Variants in AHCYL2 observed in about 807,000 individuals in gnomAD.
The protein encoded by AHCYL2 is S-adenosylhomocysteine hydrolase-like protein 2.
AHCYL2 carries 28 observed loss-of-function variants against 81.4 expected under a neutral mutation model. The observed-to-expected ratio is 0.34, with a 90% CI of 0.25 to 0.47. The LOEUF (loss-of-function observed/expected upper bound fraction) is 0.47, where lower values mean the gene tolerates loss of function less well. Ranked by LOEUF, AHCYL2 falls within the 20% of genes least tolerant of loss-of-function variation. The probability of loss-of-function intolerance (pLI) is 1.00; values close to 1 mark genes in which losing one functional copy is unlikely to be tolerated. For missense variants in AHCYL2, 551 were observed against 785.1 expected (o/e 0.70, Z 3.56); for synonymous variants, 272 against 290.2 (o/e 0.94, Z 0.64).
At position 129,427,144 on chromosome 7, in the gene AHCYL2, A is replaced by C; in HGVS notation, c.*99A>C. On this transcript the variant is annotated 3_prime_UTR_variant, in exon 17 of 17. Transcript: ENST00000325006. The surrounding 1 kb of genome is among the most constrained non-coding windows in gnomAD (Gnocchi z 5.5). ...ATTCAGCAAGCTGCTTCTCCAATCA[A>C]AGCTGCCTGCCGTGCTCACCCTGTG... 1 of 1,272,830 alleles carries C rather than the reference A, an allele frequency of 7.9e-7. No homozygotes were observed. The highest frequency in any genetic ancestry group is 1.1e-6 in the Non-Finnish European group (1 of 882,270). 78.8% of individuals were successfully genotyped at this position (1,272,830 alleles called of 1,614,324 possible). A position where few individuals can be genotyped will look rare whatever the true frequency, so the allele number is the denominator to read the frequency against.
chr7:129,406,427 A>G lies in AHCYL2; in HGVS notation c.1256A>G (p.Tyr419Cys). 1.9e-6 allele frequency: 3 copies of G among 1,614,010 alleles called. No individual in the cohort carries two copies. The highest frequency in any genetic ancestry group is 2.5e-6 in the Non-Finnish European group (3 of 1,179,994). The change falls in exon 10 of 17, where the codon TAT becomes TGT. Residue 419 changes from tyrosine (Y) to cysteine (C), a missense_variant. Physicochemically the swap from Tyr to Cys is radical, Grantham distance 194. Around this residue, in one of 2 missense-constraint regions of AHCYL2, gnomAD observed 316 missense variants for 543.1 expected, o/e 0.58. Transcript: ENST00000325006. This position sits in a 1 kb window ranked among gnomAD's most constrained non-coding sequence, Gnocchi z 4.3. ...AALKAMGSIV[Y>C]VTEIDPICAL... ...CTGAAAGCCATGGGCTCCATTGTGT[A>G]TGTAACTGAAATTGACCCCATCTGT...
At chr7:129,280,156 T>C (rs1023244917) in intron 1 of AHCYL2, among the ~76,000 whole-genome samples, 1 of 151,872 alleles carries the variant, frequency 6.6e-6, no homozygotes, top group Non-Finnish European at 1.5e-5. Context: ...ATTGATCTTA[T>C]AGTCTTTAAG....
intron 1 of AHCYL2, among the ~76,000 whole-genome samples, chr7:129,321,743 GTTTTTTTTTTT>G: frequency 1.3e-5 from 1 of 77,626 alleles, no homozygotes; most frequent in Admixed American, 1.6e-4. Context: ...TTCTTTCTTT[GTTTTTTTTTTT>G]TTTTTTTTTT....
intron 1 of AHCYL2, among the ~76,000 whole-genome samples, chr7:129,225,680 CCTA>C (rs1794187922): frequency 6.6e-6 from 1 of 152,148 alleles, no homozygotes; most frequent in South Asian, 2.1e-4. Context: ...AGCGCTCTCC[CCTA>C]CTACTTGGAA....
intron 2 of AHCYL2, among the ~76,000 whole-genome samples, chr7:129,380,123 TG>T (rs1173962535): frequency 6.6e-6 from 1 of 152,122 alleles, no homozygotes; most frequent in African/African-American, 2.4e-5. Context: ...TCCCTCCATC[TG>T]GTACTTGCAA....
At chr7:129,376,864 T>C (rs1794712231) in intron 1 of AHCYL2, among the ~76,000 whole-genome samples, 1 of 152,214 alleles carries the variant, frequency 6.6e-6, no homozygotes, top group African/African-American at 2.4e-5. Context: ...CATGTGACTG[T>C]TTTGAACAAG....
At chr7:129,323,365 A>AT (rs1398969356) in intron 1 of AHCYL2, among the ~76,000 whole-genome samples, 14 of 151,966 alleles carry the variant, frequency 9.2e-5, no homozygotes, top group Non-Finnish European at 1.6e-4. Flanking sequence ...TATTTGAGGG[A>AT]TTTTCCAGAC....
chr7:129,384,460 A>G (rs1009085914), intron 2 of AHCYL2, among the ~76,000 whole-genome samples: 57 of 152,140 alleles, frequency 3.7e-4, no homozygotes, highest in African/African-American at 1.3e-3. Context: ...GAGGTACTCA[A>G]TAAATAAATA....
chr7:129,329,703 C>G (rs1798350193), intron 1 of AHCYL2, among the ~76,000 whole-genome samples: 1 of 152,172 alleles, frequency 6.6e-6, no homozygotes, highest in South Asian at 2.1e-4. Context: ...TCTTCAGTTT[C>G]TTCATTTGTA....
chr7:129,379,395 G>A (rs558990309), intron 1 of AHCYL2, among the ~76,000 whole-genome samples: 8 of 152,010 alleles, frequency 5.3e-5, no homozygotes, highest in African/African-American at 1.9e-4. Context: ...CTGTGTGAGA[G>A]GATTGCTTGA....
intron 1 of AHCYL2, among the ~76,000 whole-genome samples, chr7:129,309,773 T>C (rs1330266814): frequency 6.6e-6 from 1 of 152,176 alleles, no homozygotes; most frequent in East Asian, 1.9e-4. Flanking sequence ...TCCAATCTCA[T>C]TTGAGTTCTC....
At chr7:129,261,269 G>C (rs1164773067) in intron 1 of AHCYL2, among the ~76,000 whole-genome samples, 1 of 151,788 alleles carries the variant, frequency 6.6e-6, no homozygotes. Flanking sequence ...TTTATAGATA[G>C]GTTTAGATCA....
intron 1 of AHCYL2, among the ~76,000 whole-genome samples, chr7:129,243,018 CTTTTTTT>C (rs769701638): frequency 1.4e-4 from 18 of 125,592 alleles, no homozygotes; most frequent in Non-Finnish European, 2.5e-4. Flanking sequence ...TATTGTTTCT[CTTTTTTT>C]TTTTTTTTTT....
At chr7:129,288,936 AT>A (rs1009433965) in intron 1 of AHCYL2, among the ~76,000 whole-genome samples, 2 of 150,992 alleles carry the variant, frequency 1.3e-5, no homozygotes, top group African/African-American at 2.4e-5. Flanking sequence ...CGCCTGGCTA[AT>A]TTTTGTTTGT....
chr7:129,336,036 T>G (rs999109515), intron 1 of AHCYL2, among the ~76,000 whole-genome samples: 1 of 146,896 alleles, frequency 6.8e-6, no homozygotes, highest in Non-Finnish European at 1.5e-5. Flanking sequence ...TTTCTTTTCT[T>G]TTCTCTTCTC....
intron 2 of AHCYL2, 76 bp downstream of exon 2, chr7:129,379,825 A>G: frequency 8.8e-7 from 1 of 1,130,946 alleles, no homozygotes. Flanking sequence ...TGTCTATCCA[A>G]GGCTAATTAA....
intron 1 of AHCYL2, among the ~76,000 whole-genome samples, chr7:129,358,729 G>A (rs979598998): frequency 6.6e-6 from 1 of 152,162 alleles, no homozygotes; most frequent in African/African-American, 2.4e-5. Flanking sequence ...CTTAAAAATG[G>A]TTAAAGTGGT....
At chr7:129,239,499 T>C (rs1395934953) in intron 1 of AHCYL2, among the ~76,000 whole-genome samples, 1 of 149,902 alleles carries the variant, frequency 6.7e-6, no homozygotes, top group Non-Finnish European at 1.5e-5. Context: ...GGTGCTGGAG[T>C]GCAATGGTGT....
intron 1 of AHCYL2, among the ~76,000 whole-genome samples, chr7:129,243,007 A>G (rs989020730): frequency 2.9e-5 from 4 of 140,202 alleles, no homozygotes; most frequent in Non-Finnish European, 4.6e-5. Context: ...CTTATCGACT[A>G]TATTGTTTCT....
Sources: allele counts gnomAD v4.1 joint callset (sites outside exome capture counted in the v4.1 genomes callset), GRCh38; gene constraint gnomAD v4.1.1; regional missense constraint gnomAD v4.1.1; non-coding constraint Gnocchi (gnomAD v3.1); transcripts MANE v1.5; gene names NCBI Gene and HGNC (gene_info 2026-07-23, HGNC 2026-07-21).